AKAP13: variants seen among roughly 807,000 people sequenced by gnomAD.
The protein encoded by AKAP13 is A-kinase anchoring protein 13, also known as A-kinase anchor protein 13.
AKAP13 carries 80 observed loss-of-function variants against 264.5 expected under a neutral mutation model. That is an observed-to-expected ratio of 0.30 (90% confidence interval 0.25 to 0.36). AKAP13 has a LOEUF of 0.36. Ranked by LOEUF, AKAP13 falls within the 10% of genes least tolerant of loss-of-function variation. The pLI, the probability that AKAP13 is intolerant of heterozygous loss-of-function variation, is 1.00. For synonymous variants in AKAP13, 1,380 were observed against 1,250.2 expected, an observed-to-expected ratio of 1.10 and a Z score of -2.19; for missense variants, 3,712 against 3,435.2, an observed-to-expected ratio of 1.08 and a Z score of -2.01.
At chr15:85,546,321 A>ACAC (rs1555442569) in intron 5 of AKAP13, among the ~76,000 whole-genome samples, 1 of 145,176 alleles carries the variant, frequency 6.9e-6, no homozygotes, top group Non-Finnish European at 1.5e-5. Context: ...GTTGTTACCA[A>ACAC]ACACACACAC....
chr15:85,420,920 T>TA (rs965495746), intron 1 of AKAP13, among the ~76,000 whole-genome samples: 144 of 149,370 alleles, frequency 9.6e-4, no homozygotes, highest in South Asian at 8.4e-4. Flanking sequence ...CGTGTCTCTC[T>TA]AAAAAAAAAA....
At chr15:85,664,522 C>T (rs2083493835) in intron 12 of AKAP13, 41 bp from the exon 13 acceptor site, 2 of 1,551,614 alleles carry the variant, frequency 1.3e-6, no homozygotes, top group East Asian at 2.3e-5. Flanking sequence ...GTTTTTGAGA[C>T]CCAGAAATAG....
intron 1 of AKAP13, among the ~76,000 whole-genome samples, chr15:85,390,832 A>C (rs2070821520): frequency 1.3e-5 from 2 of 152,242 alleles, no homozygotes; most frequent in African/African-American, 4.8e-5. Context: ...TTACCTGAAC[A>C]ACTGGGTAAA....
rs1491342478 is a variant in AKAP13, at chr15:85,498,197, G to GATATATATATAT, written c.33+12445_33+12446insTATATATATATA. Among the ~76,000 whole-genome samples, 81 of 30,068 alleles carry GATATATATATAT rather than the reference G, an allele frequency of 2.7e-3. 3 individuals are homozygous for GATATATATATAT. Among genetic ancestry groups the GATATATATATAT allele is most frequent in the Middle Eastern group, 0.015 (1 of 66 alleles). 19.7% of individuals were successfully genotyped at this position (30,068 alleles called of 152,430 possible). Reference sequence around the variant, plus strand: ...TGTGGTAGTAAGGATTAAATGAAGTGAGATATATATATATATATATATATA... The same window carrying GATATATATATAT: ...TGTGGTAGTAAGGATTAAATGAAGTGATATATATATATAGATATATATATATATATATATATA... On this transcript the variant is annotated intron_variant, in intron 2 of 36. Transcript: ENST00000394518.
intron 1 of AKAP13, among the ~76,000 whole-genome samples, chr15:85,383,370 T>C (rs1375490599): frequency 1.3e-5 from 2 of 152,218 alleles, no homozygotes; most frequent in African/African-American, 2.4e-5. Flanking sequence ...TCCTACTCCA[T>C]AAGCGTTAGT....
chr15:85,538,230 G>C (rs1014171091), intron 4 of AKAP13, among the ~76,000 whole-genome samples: 1 of 152,080 alleles, frequency 6.6e-6, no homozygotes, highest in Non-Finnish European at 1.5e-5. Context: ...GAAACATCCT[G>C]GGGGAATCTT....
intron 1 of AKAP13, among the ~76,000 whole-genome samples, chr15:85,386,735 T>C (rs551354358): frequency 6.6e-6 from 1 of 152,328 alleles, no homozygotes; most frequent in African/African-American, 2.4e-5. Context: ...TTGAAAAGAC[T>C]GTCCTTTCTC....
At chr15:85,563,361 G>A (rs1172382933) in intron 5 of AKAP13, among the ~76,000 whole-genome samples, 5 of 106,678 alleles carry the variant, frequency 4.7e-5, no homozygotes, top group South Asian at 2.8e-4. Flanking sequence ...TTTTAAAGAC[G>A]GAGAATGAGA....
chr15:85,633,566 C>G (rs1283996739), intron 8 of AKAP13, among the ~76,000 whole-genome samples: 1 of 96,844 alleles, frequency 1.0e-5, no homozygotes, highest in Non-Finnish European at 2.0e-5. Context: ...TTTTTTGAGA[C>G]GGAGTCTCTC....
At chr15:85,500,693 T>C (rs769460207) in intron 2 of AKAP13, among the ~76,000 whole-genome samples, 1 of 152,232 alleles carries the variant, frequency 6.6e-6, no homozygotes, top group East Asian at 1.9e-4. Flanking sequence ...ATTCTGCTTA[T>C]TTCCTTTTGG....
intron 35 of AKAP13, among the ~76,000 whole-genome samples, chr15:85,743,267 C>T (rs1484786906): frequency 6.6e-6 from 1 of 152,042 alleles, no homozygotes; most frequent in Admixed American, 6.6e-5. Context: ...GTATTAACAG[C>T]ATTAAAGGCG....
At chr15:85,561,338 G>A (rs1407558673) in intron 5 of AKAP13, among the ~76,000 whole-genome samples, 1 of 152,170 alleles carries the variant, frequency 6.6e-6, no homozygotes, top group African/African-American at 2.4e-5. Flanking sequence ...GATTACAGGC[G>A]TGAGCCACCA....
At chr15:85,525,582 T>A (rs2077008637) in intron 3 of AKAP13, among the ~76,000 whole-genome samples, 1 of 152,212 alleles carries the variant, frequency 6.6e-6, no homozygotes, top group Non-Finnish European at 1.5e-5. Flanking sequence ...GAAACATAGC[T>A]TGAGATGGAA....
At chr15:85,742,892 G>A (rs541346426) in intron 35 of AKAP13, among the ~76,000 whole-genome samples, 1 of 152,218 alleles carries the variant, frequency 6.6e-6, no homozygotes, top group African/African-American at 2.4e-5. Context: ...GGGGTGGGGA[G>A]CAGCAAATGC....
intron 20 of AKAP13, among the ~76,000 whole-genome samples, chr15:85,716,901 A>AG (rs1330793395): frequency 1.3e-5 from 2 of 152,242 alleles, no homozygotes; most frequent in Non-Finnish European, 2.9e-5. Flanking sequence ...AAGTCCAAAG[A>AG]GAACATAGTT....
chr15:85,512,441 C>T (rs187275785), intron 2 of AKAP13, among the ~76,000 whole-genome samples: 64 of 152,246 alleles, frequency 4.2e-4, no homozygotes, highest in African/African-American at 7.7e-4. Context: ...TCGATGCCTG[C>T]GACTTGCTTG....
chr15:85,410,411 C>T (rs1052828340), intron 1 of AKAP13, among the ~76,000 whole-genome samples: 2 of 151,744 alleles, frequency 1.3e-5, no homozygotes, highest in Admixed American at 6.5e-5. Flanking sequence ...TTTTCCTGTA[C>T]ACTGTTTGGA....
chr15:85,431,383 C>G (rs1248486998), intron 1 of AKAP13, among the ~76,000 whole-genome samples: 1 of 152,168 alleles, frequency 6.6e-6, no homozygotes, highest in African/African-American at 2.4e-5. Flanking sequence ...TTTATGCTCC[C>G]CACACCTCAG....
At chr15:85,416,075 A>G (rs2072232055) in intron 1 of AKAP13, among the ~76,000 whole-genome samples, 1 of 152,148 alleles carries the variant, frequency 6.6e-6, no homozygotes, top group Non-Finnish European at 1.5e-5. Context: ...GAGCAACTAT[A>G]TTTGCTTTGA....
Sources: gnomAD v4.1 joint callset for allele counts (sites outside exome capture counted in the v4.1 genomes callset) on GRCh38, gnomAD v4.1.1 for gene constraint, MANE v1.5 for transcripts, NCBI Gene and HGNC (gene_info 2026-07-23, HGNC 2026-07-21) for gene names.